Variants in AGBL4 observed in about 807,000 individuals in gnomAD.
AGBL4 encodes cytosolic carboxypeptidase 6.
A neutral mutation model predicts 66.4 loss-of-function variants in AGBL4; 58 were observed. That is an observed-to-expected ratio of 0.87 (90% CI 0.71 to 1.09). AGBL4 has a LOEUF of 1.09. AGBL4 is among the 50% of genes least tolerant of loss of function. AGBL4 has a pLI of 0.00. For missense variants in AGBL4, 579 were observed against 631.0 expected (o/e 0.92, Z 0.88); for synonymous variants, 234 against 222.9 (o/e 1.05, Z -0.44).
chr1:49,653,213 C>T (rs72901880), intron 3 of AGBL4, among the ~76,000 whole-genome samples: 10,586 of 152,002 alleles, frequency 0.07, 1,178 homozygotes, highest in African/African-American at 0.23. Flanking sequence ...CCAAGCAAAA[C>T]GCAGCAACCC....
chr1:48,709,066 C>T (rs1646922915), intron 6 of AGBL4, among the ~76,000 whole-genome samples: 1 of 152,222 alleles, frequency 6.6e-6, no homozygotes, highest in Non-Finnish European at 1.5e-5. Context: ...CCTCTCCGGC[C>T]TCTGGGTCTC....
intron 3 of AGBL4, among the ~76,000 whole-genome samples, chr1:49,271,574 T>C (rs1489432911): frequency 2.7e-5 from 4 of 150,392 alleles, no homozygotes; most frequent in African/African-American, 7.4e-5. Flanking sequence ...ATATCTAAAA[T>C]ACTTTTGACG....
intron 3 of AGBL4, among the ~76,000 whole-genome samples, chr1:49,471,356 G>C (rs1373050777): frequency 6.6e-6 from 1 of 151,870 alleles, no homozygotes; most frequent in African/African-American, 2.4e-5. Context: ...CCAAAAATTT[G>C]TTTTTGTTTT....
chr1:49,267,750 C>T (rs1161965684), intron 3 of AGBL4, among the ~76,000 whole-genome samples: 2 of 152,086 alleles, frequency 1.3e-5, no homozygotes, highest in South Asian at 2.1e-4. Context: ...CACAGTTCCA[C>T]GTGGCTGGGA....
chr1:49,098,159 T>C (rs1645140451), intron 4 of AGBL4, among the ~76,000 whole-genome samples: 1 of 152,222 alleles, frequency 6.6e-6, no homozygotes, highest in Non-Finnish European at 1.5e-5. Context: ...TAAGATCATC[T>C]GTAAAATGAA....
chr1:49,372,816 T>A (rs1223852854), intron 3 of AGBL4, among the ~76,000 whole-genome samples: 1 of 151,714 alleles, frequency 6.6e-6, no homozygotes, highest in Admixed American at 6.6e-5. Context: ...TGGAGTGCAG[T>A]GGCATAATCT....
intron 6 of AGBL4, among the ~76,000 whole-genome samples, chr1:48,748,317 C>T (rs1352861079): frequency 6.6e-6 from 1 of 152,192 alleles, no homozygotes; most frequent in Non-Finnish European, 1.5e-5. Flanking sequence ...CCCCATTAGT[C>T]TTCCAGTGAA....
At chr1:49,489,359 C>T (rs1647139519) in intron 3 of AGBL4, among the ~76,000 whole-genome samples, 1 of 151,726 alleles carries the variant, frequency 6.6e-6, no homozygotes, top group South Asian at 2.1e-4. Context: ...AGATCTTTTG[C>T]TTATTTTTTT....
intron 3 of AGBL4, among the ~76,000 whole-genome samples, chr1:49,466,492 C>A (rs868697598): frequency 6.6e-6 from 1 of 151,788 alleles, no homozygotes; most frequent in Non-Finnish European, 1.5e-5. Context: ...TCTAAAAAGG[C>A]CCTTCCATCT....
At chr1:49,133,241 G>A (rs1259336631) in intron 4 of AGBL4, among the ~76,000 whole-genome samples, 1 of 152,086 alleles carries the variant, frequency 6.6e-6, no homozygotes, top group Non-Finnish European at 1.5e-5. Flanking sequence ...CCTGTCAGGG[G>A]TTGTGGGGCT....
At chr1:49,073,944 C>T (rs1336894319) in intron 4 of AGBL4, among the ~76,000 whole-genome samples, 1 of 152,122 alleles carries the variant, frequency 6.6e-6, no homozygotes, top group South Asian at 2.1e-4. Flanking sequence ...TCAGAGATGC[C>T]CAGCCCACGA....
At chr1:48,841,405 C>T (rs992791046) in intron 6 of AGBL4, among the ~76,000 whole-genome samples, 3 of 133,878 alleles carry the variant, frequency 2.2e-5, no homozygotes, top group Non-Finnish European at 4.7e-5. Context: ...ACAAAACCCC[C>T]CCCCCCCAAA....
chr1:49,562,152 G>T (rs1402111484), intron 3 of AGBL4, among the ~76,000 whole-genome samples: 3 of 152,054 alleles, frequency 2.0e-5, no homozygotes, highest in African/African-American at 7.2e-5. Context: ...TTTTAATGTG[G>T]TTGTTTGTTT....
chr1:48,553,762 A>G (rs1480351084), intron 11 of AGBL4, among the ~76,000 whole-genome samples: 1 of 152,172 alleles, frequency 6.6e-6, no homozygotes, highest in Non-Finnish European at 1.5e-5. Flanking sequence ...GATAGAGATA[A>G]TTGAGTTTAT....
At chr1:48,797,880 T>C (rs1214761907) in intron 6 of AGBL4, among the ~76,000 whole-genome samples, 3 of 152,220 alleles carry the variant, frequency 2.0e-5, no homozygotes, top group African/African-American at 7.2e-5. Context: ...ACTCATTGGT[T>C]GATGAGAATT....
At chr1:48,808,706 G>T (rs1337462267) in intron 6 of AGBL4, among the ~76,000 whole-genome samples, 1 of 152,206 alleles carries the variant, frequency 6.6e-6, no homozygotes, top group African/African-American at 2.4e-5. Flanking sequence ...CAAGAAACAG[G>T]CTCCCAAGAG....
intron 3 of AGBL4, among the ~76,000 whole-genome samples, chr1:49,566,741 G>A (rs889799565): frequency 4.6e-5 from 7 of 152,008 alleles, no homozygotes; most frequent in Non-Finnish European, 8.8e-5. Flanking sequence ...GCTACTCGGG[G>A]GTTAGGGACC....
At chr1:49,998,472 G>A (rs1444274657) in intron 1 of AGBL4, among the ~76,000 whole-genome samples, 2 of 152,022 alleles carry the variant, frequency 1.3e-5, no homozygotes, top group Non-Finnish European at 2.9e-5. Flanking sequence ...TAAAGTCCAG[G>A]ACAAAACAGA....
chr1:48,642,295 T>G (rs1296690660), intron 8 of AGBL4, among the ~76,000 whole-genome samples: 2 of 152,200 alleles, frequency 1.3e-5, no homozygotes, highest in Non-Finnish European at 2.9e-5. Context: ...GTGGTGTGAC[T>G]GGGGACAAGG....
Sources: allele counts gnomAD v4.1 joint callset (sites outside exome capture counted in the v4.1 genomes callset), GRCh38; gene constraint gnomAD v4.1.1; transcripts MANE v1.5; gene names NCBI Gene and HGNC (gene_info 2026-07-23, HGNC 2026-07-21).